VAV3: variants seen among roughly 807,000 people sequenced by gnomAD.
VAV3 encodes guanine nucleotide exchange factor VAV3.
VAV3 carries 94 observed loss-of-function variants against 131.2 expected under a neutral mutation model. That is an observed-to-expected ratio of 0.72 (90% CI 0.61 to 0.85). VAV3 has a LOEUF of 0.85. Among genes scored for constraint, VAV3 ranks in the 40% least tolerant of loss-of-function variants. The pLI is 0.00. For synonymous variants in VAV3, 349 were observed against 342.0 expected (o/e 1.02, Z -0.22); for missense variants, 939 against 1,002.7 (o/e 0.94, Z 0.86).
chr1:107,829,798 A>G (rs937460519), intron 2 of VAV3, among the ~76,000 whole-genome samples: 2 of 152,210 alleles, frequency 1.3e-5, no homozygotes, highest in African/African-American at 4.8e-5. Context: ...TAATTATGGA[A>G]CATGTTCAAT....
intron 20 of VAV3, among the ~76,000 whole-genome samples, chr1:107,625,572 T>G (rs1428932429): frequency 6.6e-6 from 1 of 152,194 alleles, no homozygotes; most frequent in African/African-American, 2.4e-5. Context: ...AGGCCAGTAA[T>G]TTAATCTGAT....
Position 107,572,909 on chromosome 1 carries a change from A to T in VAV3, c.*422T>A, listed in dbSNP as rs1040335383. 2 of 164,302 alleles carry T rather than the reference A, an allele frequency of 1.2e-5. No individual in the cohort carries two copies. The highest frequency in any genetic ancestry group is 4.8e-5 in the African/African-American group (2 of 41,986). 10.2% of individuals were successfully genotyped at this position (164,302 alleles called of 1,614,324 possible). A position where few individuals can be genotyped will look rare whatever the true frequency, so the allele number is the denominator to read the frequency against. ...GTCATGCTGGGAAAAGGAAAATTAC[A>T]CTTCTGCTTCTTTGTACCATCAAAT... On this transcript the variant is annotated 3_prime_UTR_variant, in exon 27 of 27. Transcript: ENST00000370056.
At chr1:107,954,764 T>TGGGGGCGGGGGG (rs374683501) in intron 1 of VAV3, among the ~76,000 whole-genome samples, 27 of 133,060 alleles carry the variant, frequency 2.0e-4, no homozygotes, top group African/African-American at 5.9e-4. Flanking sequence ...GAAAATACCA[T>TGGGGGCGGGGGG]GGGAGGGGGG....
At position 107,771,919 on chromosome 1, in the gene VAV3, T is replaced by C. The variant is rs571016210; in HGVS notation, c.555+816A>G. Among the ~76,000 whole-genome samples, 4 of 152,322 alleles carry C rather than the reference T, an allele frequency of 2.6e-5. No homozygotes were observed. In the South Asian group the frequency reaches 8.3e-4, roughly 32 times the overall value. On this transcript the variant is annotated intron_variant, in intron 5 of 26. Transcript: ENST00000370056. ...TGGTTAAACCACACTTGCGTTATATTCCTCAAACACAGGCAGGTAACTTGT... is the reference window on the plus strand; with the variant it reads ...TGGTTAAACCACACTTGCGTTATATCCCTCAAACACAGGCAGGTAACTTGT...
At chr1:107,688,821 G>GT (rs1659215071) in intron 17 of VAV3, among the ~76,000 whole-genome samples, 1 of 152,114 alleles carries the variant, frequency 6.6e-6, no homozygotes, top group African/African-American at 2.4e-5. Flanking sequence ...TTGACGATTT[G>GT]TAACAATAGC....
chr1:107,718,690 A>G (rs1346000519), intron 15 of VAV3, among the ~76,000 whole-genome samples: 1 of 152,222 alleles, frequency 6.6e-6, no homozygotes, highest in Non-Finnish European at 1.5e-5. Flanking sequence ...CTTTCTTCAC[A>G]GAATTGGAAA....
intron 25 of VAV3, 39 bp downstream of exon 25, chr1:107,596,173 T>G (rs1352239548): frequency 6.3e-7 from 1 of 1,595,070 alleles, no homozygotes; most frequent in East Asian, 2.2e-5. Context: ...CCCTAATTTT[T>G]AAGTGACAGC....
chr1:107,585,105 G>A (rs983745021), intron 25 of VAV3, among the ~76,000 whole-genome samples: 2 of 152,106 alleles, frequency 1.3e-5, no homozygotes, highest in Non-Finnish European at 2.9e-5. Flanking sequence ...AGGCTCTATT[G>A]GAGCCCTCAA....
At chr1:107,609,561 ACT>A in intron 22 of VAV3, 1 of 160,870 alleles carries the variant, frequency 6.2e-6, no homozygotes, top group Non-Finnish European at 1.4e-5. Context: ...AAAAAAAAAA[ACT>A]ACTACTGTCC....
At chr1:107,751,059 T>G in intron 13 of VAV3, 58 bp downstream of exon 13, 1 of 1,522,046 alleles carries the variant, frequency 6.6e-7, no homozygotes, top group Non-Finnish European at 9.0e-7. Flanking sequence ...TCTTTAAGGT[T>G]TTCTCAGTTT....
At chr1:107,907,685 G>A (rs373319358) in intron 1 of VAV3, among the ~76,000 whole-genome samples, 8 of 150,598 alleles carry the variant, frequency 5.3e-5, no homozygotes, top group East Asian at 2.0e-4. Context: ...ACACACACAC[G>A]CGCTCTCTCT....
At chr1:107,880,043 G>C (rs1165787153) in intron 1 of VAV3, among the ~76,000 whole-genome samples, 2 of 152,172 alleles carry the variant, frequency 1.3e-5, no homozygotes, top group Non-Finnish European at 2.9e-5. Flanking sequence ...TACAAGAAAA[G>C]CAAACATGAT....
At chr1:107,890,587 G>A (rs1057446130) in intron 1 of VAV3, among the ~76,000 whole-genome samples, 4 of 152,040 alleles carry the variant, frequency 2.6e-5, no homozygotes, top group Non-Finnish European at 4.4e-5. Flanking sequence ...CCAGTGGGAA[G>A]AGAAAAATCT....
chr1:107,737,921 C>T (rs925868317), intron 15 of VAV3, among the ~76,000 whole-genome samples: 1 of 152,168 alleles, frequency 6.6e-6, no homozygotes, highest in African/African-American at 2.4e-5. Flanking sequence ...TTTACTGTGG[C>T]ACTACTCAAA....
rs144716338 is a variant in VAV3 at position 107,618,052 on chromosome 1, C to T, written c.1915-420G>A. The stretch of plus-strand genomic sequence containing the variant: ...TAGACTCTCATAAAGGAAGTGCAAC[C>T]TAGATCCCTCACATGCGCAGTTCAC... On this transcript the variant is annotated intron_variant, in intron 20 of 26. Coordinates refer to ENST00000370056, the MANE Select transcript of VAV3 (RefSeq NM_006113.5). Among the ~76,000 whole-genome samples, 712 of 152,176 alleles carry T rather than the reference C, an allele frequency of 4.7e-3. 5 individuals carry two copies. Among genetic ancestry groups the T allele is most frequent in the African/African-American group, 0.016 (660 of 41,516 alleles).
At chr1:107,777,503 C>T (rs1015320381) in intron 3 of VAV3, among the ~76,000 whole-genome samples, 1 of 152,166 alleles carries the variant, frequency 6.6e-6, no homozygotes, top group Admixed American at 6.5e-5. Context: ...GAGGCTGTAA[C>T]ACCTGCCACC....
chr1:107,859,882 T>C (rs1669657190), intron 2 of VAV3, among the ~76,000 whole-genome samples: 1 of 152,208 alleles, frequency 6.6e-6, no homozygotes, highest in Non-Finnish European at 1.5e-5. Context: ...ACTAGTAAAA[T>C]TTGATATTTT....
At chr1:107,607,580 G>T (rs1652382821) in intron 22 of VAV3, among the ~76,000 whole-genome samples, 1 of 152,082 alleles carries the variant, frequency 6.6e-6, no homozygotes, top group Non-Finnish European at 1.5e-5. Flanking sequence ...TCTAACTCCA[G>T]TGTCTCCTGC....
chr1:107,738,600 T>C (rs1170001134), intron 15 of VAV3, among the ~76,000 whole-genome samples: 2 of 152,208 alleles, frequency 1.3e-5, no homozygotes, highest in South Asian at 4.1e-4. Context: ...ATCGTTTCCA[T>C]TGCAAGGATT....
Sources: gnomAD v4.1 joint callset for allele counts (sites outside exome capture counted in the v4.1 genomes callset) on GRCh38, gnomAD v4.1.1 for gene constraint, MANE v1.5 for transcripts, NCBI Gene and HGNC (gene_info 2026-07-23, HGNC 2026-07-21) for gene names.